The following TLN2 variants were observed in gnomAD, a reference collection of about 807,000 sequenced individuals.
TLN2 encodes talin 2.
A neutral mutation model predicts 294.7 loss-of-function variants in TLN2; 118 were observed. That is an observed-to-expected ratio of 0.40 (90% CI 0.34 to 0.47). The LOEUF (loss-of-function observed/expected upper bound fraction) is 0.47, where lower values mean the gene tolerates loss of function less well. TLN2 is among the 20% of genes least tolerant of loss of function. TLN2 has a pLI of 0.84. For missense variants in TLN2, 3,083 were observed against 3,282.2 expected (o/e 0.94, Z 1.48); for synonymous variants, 1,431 against 1,304.5 (o/e 1.10, Z -2.09).
intron 1 of TLN2, among the ~76,000 whole-genome samples, chr15:62,548,535 C>T (rs2042120230): frequency 6.6e-6 from 1 of 152,184 alleles, no homozygotes; most frequent in African/African-American, 2.4e-5. Context: ...CACCAGAAGG[C>T]AGCTAGTAGT....
rs1596074655 is a variant in TLN2 at position 62,544,912 on chromosome 15, G to A, written c.-237-44775G>A. 3.3e-5 allele frequency among the ~76,000 whole-genome samples: 5 copies of A among 152,124 alleles called. No individual in the cohort carries two copies. In the South Asian group the frequency reaches 8.3e-4, roughly 25 times the overall value. The stretch of plus-strand genomic sequence containing the variant: ...GTTAATAACCCCAGACTTGTGCTAA[G>A]TGGAGATTTGGGGATGACCTCACTT... On this transcript the variant is annotated intron_variant, in intron 1 of 58. Coordinates refer to ENST00000636159, the MANE Select transcript of TLN2 (RefSeq NM_015059.3).
chr15:62,495,058 G>C (rs1464564850), intron 1 of TLN2, among the ~76,000 whole-genome samples: 2 of 152,212 alleles, frequency 1.3e-5, no homozygotes, highest in African/African-American at 4.8e-5. Context: ...TCCTAGCTGT[G>C]CTACCCTGGG....
At chr15:62,602,344 T>C (rs1176078109) in intron 2 of TLN2, among the ~76,000 whole-genome samples, 3 of 152,240 alleles carry the variant, frequency 2.0e-5, no homozygotes, top group Non-Finnish European at 2.9e-5. Flanking sequence ...TCGAAAGATA[T>C]TTTGAATAGG....
Position 62,843,622 on chromosome 15 carries a change from T to G in TLN2, c.*3012T>G, listed in dbSNP as rs1268078836. 3 of 152,302 alleles carry G rather than the reference T, an allele frequency of 2.0e-5. No individual in the cohort carries two copies. The highest frequency in any genetic ancestry group is 7.2e-5 in the African/African-American group (3 of 41,474). 9.4% of individuals were successfully genotyped at this position (152,302 alleles called of 1,614,324 possible). A position where few individuals can be genotyped will look rare whatever the true frequency, so the allele number is the denominator to read the frequency against. On this transcript the variant is annotated 3_prime_UTR_variant, in exon 59 of 59. Coordinates refer to ENST00000636159, the MANE Select transcript of TLN2 (RefSeq NM_015059.3). ...CAGGGAAAACCCTTCGAGCTTCTTC[T>G]GATTCTCACCTGCTTGCTTTCTGGC...
chr15:62,455,042 AT>A (rs1349207762), intron 1 of TLN2, among the ~76,000 whole-genome samples: 2 of 152,174 alleles, frequency 1.3e-5, no homozygotes, highest in Non-Finnish European at 2.9e-5. Flanking sequence ...GTGGGCAGTT[AT>A]GTCTGTTACT....
At chr15:62,749,948 C>T (rs924965641) in intron 33 of TLN2, among the ~76,000 whole-genome samples, 1 of 152,176 alleles carries the variant, frequency 6.6e-6, no homozygotes, top group Non-Finnish European at 1.5e-5. Flanking sequence ...TCTTTCATGC[C>T]TTCCTATTAA....
intron 1 of TLN2, among the ~76,000 whole-genome samples, chr15:62,520,210 A>G (rs889994115): frequency 2.6e-5 from 4 of 152,250 alleles, no homozygotes; most frequent in African/African-American, 9.6e-5. Flanking sequence ...CAGCCAAACC[A>G]TATCAGTGTC....
At chr15:62,412,245 G>A (rs1350734682) in intron 1 of TLN2, among the ~76,000 whole-genome samples, 1 of 152,184 alleles carries the variant, frequency 6.6e-6, no homozygotes, top group Non-Finnish European at 1.5e-5. Context: ...TTTGGGGAAA[G>A]GCTTGCCTAG....
At chr15:62,535,467 TAC>T (rs35591215) in intron 1 of TLN2, among the ~76,000 whole-genome samples, 16,091 of 148,450 alleles carry the variant, frequency 0.11, 851 homozygotes, top group Non-Finnish European at 0.13. Context: ...TGTCTGTGTG[TAC>T]ACACACACAC....
At chr15:62,526,957 A>G (rs942443177) in intron 1 of TLN2, among the ~76,000 whole-genome samples, 3 of 152,144 alleles carry the variant, frequency 2.0e-5, no homozygotes, top group Admixed American at 6.5e-5. Context: ...TCTACAGTCT[A>G]TAGTTAGAGT....
intron 22 of TLN2, among the ~76,000 whole-genome samples, chr15:62,712,807 G>T (rs1013693816): frequency 6.6e-6 from 1 of 152,036 alleles, no homozygotes; most frequent in Non-Finnish European, 1.5e-5. Flanking sequence ...GGTGAGAACT[G>T]TTTTAAATGA....
chr15:62,394,069 C>T (rs770140193), intron 1 of TLN2, among the ~76,000 whole-genome samples: 2 of 152,212 alleles, frequency 1.3e-5, no homozygotes, highest in African/African-American at 2.4e-5. Flanking sequence ...AGACACCGCA[C>T]CTGGCCAACC....
chr15:62,815,177 T>TCTCACACACACACACACACACACA (rs1349363288), intron 52 of TLN2, among the ~76,000 whole-genome samples: 1 of 140,592 alleles, frequency 7.1e-6, no homozygotes, highest in African/African-American at 2.8e-5. Context: ...ATTCTGTCTG[T>TCTCACACACACACACACACACACA]CACACACACA....
intron 40 of TLN2, among the ~76,000 whole-genome samples, chr15:62,764,971 TA>T (rs5813170): frequency 0.81 from 87,770 of 108,774 alleles, 36,442 homozygotes; most frequent in Non-Finnish European, 0.91. Flanking sequence ...GACTCCATCT[TA>T]AAAAAAAAAA....
Position 62,781,128 on chromosome 15 carries a change from TCTC to T in TLN2, c.5515-8_5515-6del. The T allele has an allele frequency of 6.2e-7, 1 of 1,607,732 alleles. No homozygotes were observed. Reference sequence around the variant, plus strand: ...TCTTATGACCTTTGGATTCTTTTCCTCTCCTCTGTAGCTGGATGAAGGCACTCC... The same window carrying T: ...TCTTATGACCTTTGGATTCTTTTCCTCTCTGTAGCTGGATGAAGGCACTCC... On this transcript the variant is annotated splice_polypyrimidine_tract_variant and intron_variant, in intron 43 of 58. Transcript: ENST00000636159.
At chr15:62,583,621 T>C (rs2045335624) in intron 1 of TLN2, among the ~76,000 whole-genome samples, 1 of 152,206 alleles carries the variant, frequency 6.6e-6, no homozygotes, top group South Asian at 2.1e-4. Flanking sequence ...AAAGTCAATT[T>C]AAAATATAAA....
intron 1 of TLN2, chr15:62,453,772 C>T (rs986069395): frequency 2.0e-5 from 3 of 152,342 alleles, no homozygotes; most frequent in Non-Finnish European, 4.4e-5. Flanking sequence ...ATCCCTCTCT[C>T]TGTGTTTTCT....
Position 62,842,391 on chromosome 15 carries a change from A to G in TLN2, c.*1781A>G, listed in dbSNP as rs772514820. On this transcript the variant is annotated 3_prime_UTR_variant, in exon 59 of 59. Transcript: ENST00000636159. ...GCCCTCTTTGAGTGGAGCTGATCCA[A>G]CACCTCATGCCTGCCTTGGCCGGAC... The G allele has an allele frequency of 1.1e-4, 17 of 152,196 alleles. No homozygotes were observed. The highest frequency in any genetic ancestry group is 1.5e-4 in the Non-Finnish European group (10 of 68,088). The allele number at this position is 152,196 out of a possible 1,614,324, so 9.4% of individuals were successfully genotyped here. A position where few individuals can be genotyped will look rare whatever the true frequency, so the allele number is the denominator to read the frequency against.
intron 9 of TLN2, among the ~76,000 whole-genome samples, chr15:62,673,224 G>A (rs903217464): frequency 5.4e-5 from 8 of 147,956 alleles, no homozygotes; most frequent in Non-Finnish European, 3.0e-5. Context: ...AGACTGTTTT[G>A]CAGTTACTTG....
Sources: allele counts gnomAD v4.1 joint callset (sites outside exome capture counted in the v4.1 genomes callset), GRCh38; gene constraint gnomAD v4.1.1; transcripts MANE v1.5; gene names NCBI Gene and HGNC (gene_info 2026-07-23, HGNC 2026-07-21).